Variants in DENND1B observed in about 807,000 individuals in gnomAD.
The protein encoded by DENND1B is DENN domain containing 1B, also known as DENN domain-containing protein 1B.
Under a neutral mutation model 90.1 loss-of-function variants are expected in DENND1B, and 59 were observed. The observed-to-expected ratio is 0.65, with a 90% CI of 0.53 to 0.81. The LOEUF (loss-of-function observed/expected upper bound fraction) is 0.81, where lower values mean the gene tolerates loss of function less well. Ranked by LOEUF, DENND1B falls within the 40% of genes least tolerant of loss-of-function variation. The probability of loss-of-function intolerance (pLI) is 0.00; values close to 1 mark genes in which losing one functional copy is unlikely to be tolerated. For missense variants in DENND1B, 862 were observed against 912.6 expected (o/e 0.94, Z 0.71); for synonymous variants, 337 against 324.6 (o/e 1.04, Z -0.41).
In DENND1B at chr1:197,665,541, T is replaced by C. The variant is rs568357726; in HGVS notation, c.296+6496A>G. 5.9e-5 allele frequency among the ~76,000 whole-genome samples: 9 copies of C among 152,264 alleles called. No individual in the cohort carries two copies. In the South Asian group the frequency reaches 1.7e-3, roughly 28 times the overall value. On this transcript the variant is annotated intron_variant, in intron 5 of 22. Coordinates refer to ENST00000620048, the MANE Select transcript of DENND1B (RefSeq NM_001195215.2). ...TTAATTAATTGCCACATAGTATCAT[T>C]AGTATCAACATCTTTAACCAAAAGA...
At chr1:197,705,761 T>G (rs1354826180) in intron 3 of DENND1B, among the ~76,000 whole-genome samples, 1 of 150,820 alleles carries the variant, frequency 6.6e-6, no homozygotes, top group South Asian at 2.1e-4. Flanking sequence ...AATGGTAAAA[T>G]GAGTGAGCAA....
At chr1:197,657,236 A>G (rs896588399) in intron 6 of DENND1B, among the ~76,000 whole-genome samples, 8 of 152,202 alleles carry the variant, frequency 5.3e-5, no homozygotes, top group Admixed American at 5.2e-4. Flanking sequence ...AAAACGCAAC[A>G]TGATTTAAAA....
Position 197,666,962 on chromosome 1 carries a change from C to T in DENND1B, c.296+5075G>A, listed in dbSNP as rs536105427. On this transcript the variant is annotated intron_variant, in intron 5 of 22. Transcript: ENST00000620048. ...CATCCTGGCCAACATGGTGAAACCCCGTCTCTACCAAAAATACAAAAATTA... is the reference window on the plus strand; with the variant it reads ...CATCCTGGCCAACATGGTGAAACCCTGTCTCTACCAAAAATACAAAAATTA... Among the ~76,000 whole-genome samples, 1,281 of 152,148 alleles carry T rather than the reference C, an allele frequency of 8.4e-3. 19 individuals are homozygous for T. Among genetic ancestry groups the T allele is most frequent in the African/African-American group, 0.028 (1,175 of 41,512 alleles).
intron 20 of DENND1B, among the ~76,000 whole-genome samples, chr1:197,514,267 G>T (rs1314409560): frequency 6.6e-6 from 1 of 151,780 alleles, no homozygotes; most frequent in South Asian, 2.1e-4. Flanking sequence ...AAAATACAAT[G>T]TATGGGACAG....
At chr1:197,628,481 A>G (rs1679003029) in intron 10 of DENND1B, among the ~76,000 whole-genome samples, 1 of 152,202 alleles carries the variant, frequency 6.6e-6, no homozygotes, top group South Asian at 2.1e-4. Flanking sequence ...ATATGTAGAA[A>G]GCTGAAACTG....
rs1439388698 is a variant in DENND1B at position 197,754,680 on chromosome 1, A to C, written c.82+18188T>G. Among the ~76,000 whole-genome samples, 6 of 150,934 alleles carry C rather than the reference A, an allele frequency of 4.0e-5. 1 individual carries two copies. The highest frequency in any genetic ancestry group is 1.3e-4 in the Admixed American group (2 of 15,190). On this transcript the variant is annotated intron_variant, in intron 2 of 22. Coordinates refer to ENST00000620048, the MANE Select transcript of DENND1B (RefSeq NM_001195215.2). Reference sequence around the variant, plus strand: ...GTCTCAAAAAAAAAAAAAAAAAAAAAAAAAAAAACTGATACAGTAAATCTA... The same window carrying C: ...GTCTCAAAAAAAAAAAAAAAAAAAACAAAAAAAACTGATACAGTAAATCTA...
At chr1:197,628,115 G>C (rs1016006714) in intron 10 of DENND1B, among the ~76,000 whole-genome samples, 5 of 152,102 alleles carry the variant, frequency 3.3e-5, no homozygotes, top group Admixed American at 2.0e-4. Flanking sequence ...GTATTTTATA[G>C]ATTCAATGCC....
intron 10 of DENND1B, among the ~76,000 whole-genome samples, chr1:197,622,177 T>C (rs1010237502): frequency 2.0e-5 from 3 of 151,374 alleles, no homozygotes; most frequent in Non-Finnish European, 3.0e-5. Context: ...GGTAGTGCCA[T>C]TGAAAATAAT....
chr1:197,623,121 T>C (rs374206940), intron 10 of DENND1B, among the ~76,000 whole-genome samples: 10 of 151,424 alleles, frequency 6.6e-5, no homozygotes, highest in Admixed American at 2.0e-4. Flanking sequence ...GCTAGAGTTA[T>C]AGGAGTTACT....
At chr1:197,727,621 A>G (rs1661769115) in intron 2 of DENND1B, among the ~76,000 whole-genome samples, 1 of 152,180 alleles carries the variant, frequency 6.6e-6, no homozygotes, top group Non-Finnish European at 1.5e-5. Flanking sequence ...TTTCTAATAG[A>G]AAACAGTGAT....
chr1:197,736,246 T>G, intron 2 of DENND1B: 1 of 403,594 alleles, frequency 2.5e-6, no homozygotes, highest in South Asian at 3.8e-5. Context: ...TTTATTGAAC[T>G]TGAATAGCAA....
chr1:197,658,467 C>T, intron 5 of DENND1B, 98 bp from the exon 6 acceptor site: 2 of 825,370 alleles, frequency 2.4e-6, no homozygotes, highest in Non-Finnish European at 3.8e-6. Flanking sequence ...ACAGGTTAAT[C>T]CTGGAGGTCA....
chr1:197,597,670 A>G lies in DENND1B; in HGVS notation c.922-2337T>C, dbSNP rs531075545. On this transcript the variant is annotated intron_variant, in intron 13 of 22. Transcript: ENST00000620048. ...CCTGAGTTATAAGGGAGTATTAAAC[A>G]CAATGCCACAAGCCATTCCAAACCA... Among the ~76,000 whole-genome samples the G allele has an allele frequency of 1.5e-4, 23 of 151,910 alleles. No homozygotes were observed. In the South Asian group the frequency reaches 4.4e-3, roughly 29 times the overall value.
chr1:197,681,086 G>A (rs1035298830), intron 3 of DENND1B, among the ~76,000 whole-genome samples: 10 of 151,914 alleles, frequency 6.6e-5, no homozygotes, highest in Non-Finnish European at 1.5e-4. Flanking sequence ...AATATTAAAG[G>A]TCCTGTGTCC....
intron 10 of DENND1B, among the ~76,000 whole-genome samples, chr1:197,621,562 T>C (rs1678165273): frequency 6.6e-6 from 1 of 151,420 alleles, no homozygotes; most frequent in South Asian, 2.1e-4. Context: ...TTATGATATA[T>C]TGAATCTTTA....
At chr1:197,538,679 T>C (rs1218063832) in intron 20 of DENND1B, among the ~76,000 whole-genome samples, 1 of 149,270 alleles carries the variant, frequency 6.7e-6, no homozygotes, top group East Asian at 1.9e-4. Context: ...TTTTTTTTTT[T>C]TTTACAAAGG....
At position 197,643,794 on chromosome 1, in the gene DENND1B, GCTA is replaced by G. The variant is rs752385274; in HGVS notation, c.562-976_562-974del. ...CCACATGAGAATGAAACTGGGATAA[GCTA>G]CTACATTAACTTTGACTTTTAGATC... On this transcript the variant is annotated intron_variant, in intron 9 of 22. Transcript: ENST00000620048. 1.3e-3 allele frequency among the ~76,000 whole-genome samples: 199 copies of G among 152,300 alleles called. 1 individual carries two copies. The highest frequency in any genetic ancestry group is 3.7e-3 in the Admixed American group (56 of 15,286).
chr1:197,706,586 A>G (rs1303294261), intron 3 of DENND1B, among the ~76,000 whole-genome samples: 1 of 152,204 alleles, frequency 6.6e-6, no homozygotes, highest in African/African-American at 2.4e-5. Flanking sequence ...CAGCAAAAAC[A>G]CAAACAATAC....
intron 20 of DENND1B, among the ~76,000 whole-genome samples, chr1:197,517,270 C>T (rs530990256): frequency 6.6e-6 from 1 of 151,942 alleles, no homozygotes; most frequent in East Asian, 1.9e-4. Context: ...TAGCAGCTTA[C>T]AGAAGTTTCT....
Sources: gnomAD v4.1 joint callset for allele counts (sites outside exome capture counted in the v4.1 genomes callset) on GRCh38, gnomAD v4.1.1 for gene constraint, MANE v1.5 for transcripts, NCBI Gene and HGNC (gene_info 2026-07-23, HGNC 2026-07-21) for gene names.